Variants in SRPK2 observed in about 807,000 individuals in gnomAD.
The protein encoded by SRPK2 is SFRS protein kinase 2.
In SRPK2, 21 loss-of-function variants were observed where a neutral mutation model predicts 90.8. The observed-to-expected ratio is 0.23, with a 90% confidence interval of 0.16 to 0.33. The LOEUF is 0.33. Ranked by LOEUF, SRPK2 falls within the 10% of genes least tolerant of loss-of-function variation. The probability of loss-of-function intolerance (pLI) is 1.00; values close to 1 mark genes in which losing one functional copy is unlikely to be tolerated. For missense variants in SRPK2, 620 were observed against 869.0 expected (o/e 0.71, Z 3.60); for synonymous variants, 288 against 311.1 (o/e 0.93, Z 0.78).
intron 2 of SRPK2, among the ~76,000 whole-genome samples, chr7:105,335,086 G>C (rs145063218): frequency 2.0e-5 from 3 of 151,574 alleles, no homozygotes; most frequent in Non-Finnish European, 4.4e-5. Flanking sequence ...AAGGAGAATC[G>C]CTTGAACCCA....
At chr7:105,236,921 G>A (rs999699905) in intron 2 of SRPK2, among the ~76,000 whole-genome samples, 12 of 152,342 alleles carry the variant, frequency 7.9e-5, no homozygotes, top group African/African-American at 2.9e-4. Flanking sequence ...ACTGTTTCAT[G>A]CAGTGCTGAG....
intron 7 of SRPK2, among the ~76,000 whole-genome samples, chr7:105,150,364 C>CA (rs1785219627): frequency 6.6e-6 from 1 of 152,036 alleles, no homozygotes; most frequent in South Asian, 2.1e-4. Context: ...ACTAAAAACA[C>CA]AAAAAAACTG....
At chr7:105,196,895 C>T (rs781160845) in intron 3 of SRPK2, among the ~76,000 whole-genome samples, 1 of 151,914 alleles carries the variant, frequency 6.6e-6, no homozygotes, top group Non-Finnish European at 1.5e-5. Context: ...ACTAAAAATA[C>T]AAAAATCAGC....
intron 2 of SRPK2, among the ~76,000 whole-genome samples, chr7:105,205,702 G>C (rs1055889755): frequency 6.6e-6 from 1 of 152,116 alleles, no homozygotes; most frequent in African/African-American, 2.4e-5. Context: ...CCAGGCAAAA[G>C]AGAGTTCTGA....
intron 2 of SRPK2, among the ~76,000 whole-genome samples, chr7:105,365,231 T>A (rs1818887505): frequency 6.6e-6 from 1 of 151,988 alleles, no homozygotes; most frequent in Non-Finnish European, 1.5e-5. Context: ...ACGCCTGTAA[T>A]CCCAACAGTT....
At chr7:105,271,454 G>A (rs987278469) in intron 2 of SRPK2, among the ~76,000 whole-genome samples, 5 of 152,162 alleles carry the variant, frequency 3.3e-5, no homozygotes, top group South Asian at 2.1e-4. Flanking sequence ...ATCAAGGAAC[G>A]TTAACACTAT....
chr7:105,295,590 G>A (rs1201735839), intron 2 of SRPK2, among the ~76,000 whole-genome samples: 1 of 152,152 alleles, frequency 6.6e-6, no homozygotes, highest in Admixed American at 6.6e-5. Context: ...TTGACAAAAG[G>A]TAGAACAGTA....
At chr7:105,259,389 C>A (rs986978616) in intron 2 of SRPK2, among the ~76,000 whole-genome samples, 4 of 152,040 alleles carry the variant, frequency 2.6e-5, no homozygotes, top group South Asian at 4.2e-4. Flanking sequence ...AAGAGGACAC[C>A]AACAAATGGA....
intron 2 of SRPK2, among the ~76,000 whole-genome samples, chr7:105,289,943 T>C (rs1168141473): frequency 6.6e-6 from 1 of 151,870 alleles, no homozygotes; most frequent in African/African-American, 2.4e-5. Context: ...TTCAATACTG[T>C]TGTGTCGCAG....
Position 105,358,461 on chromosome 7 carries a change from G to A in SRPK2, c.71+30187C>T, listed in dbSNP as rs116491476. 2.9e-3 allele frequency among the ~76,000 whole-genome samples: 444 copies of A among 152,196 alleles called. 2 individuals carry two copies. The highest frequency in any genetic ancestry group is 0.01 in the African/African-American group (416 of 41,526). ...AGCACTTTGGAAGGCTGAAGCAAGT[G>A]GATCACTTGAGCTCAGGAGTTCAAA... On this transcript the variant is annotated intron_variant, in intron 2 of 15. Transcript: ENST00000393651.
At chr7:105,258,819 T>C (rs1417812320) in intron 2 of SRPK2, among the ~76,000 whole-genome samples, 3 of 152,138 alleles carry the variant, frequency 2.0e-5, no homozygotes, top group Admixed American at 2.0e-4. Flanking sequence ...AGAAAAGGCC[T>C]TCAACAAAAT....
rs112698332 is a variant in SRPK2, at chr7:105,212,877, T to C, written c.72-9092A>G. Among the ~76,000 whole-genome samples, 421 of 152,266 alleles carry C rather than the reference T, an allele frequency of 2.8e-3. 1 individual carries two copies. Among genetic ancestry groups the C allele is most frequent in the African/African-American group, 9.6e-3 (397 of 41,560 alleles). ...TCCTAAACATGGGGTGATGGCTACA[T>C]GTGTACTGAACATGTACAGACTCTT... On this transcript the variant is annotated intron_variant, in intron 2 of 15. Transcript: ENST00000393651.
At chr7:105,153,225 G>C (rs1208818774) in intron 7 of SRPK2, among the ~76,000 whole-genome samples, 6 of 152,146 alleles carry the variant, frequency 3.9e-5, no homozygotes, top group Admixed American at 1.3e-4. Context: ...GTCAGACTTT[G>C]AGTTCAGCAG....
intron 2 of SRPK2, among the ~76,000 whole-genome samples, chr7:105,347,601 C>G (rs895213386): frequency 1.3e-5 from 2 of 151,972 alleles, no homozygotes; most frequent in African/African-American, 2.4e-5. Flanking sequence ...TGCCTATACT[C>G]CCAGCACTTT....
At chr7:105,348,716 C>T (rs2132019000) in intron 2 of SRPK2, among the ~76,000 whole-genome samples, 1 of 151,764 alleles carries the variant, frequency 6.6e-6, no homozygotes, top group South Asian at 2.1e-4. Context: ...AGCCACCATG[C>T]CCAGCTGCAT....
chr7:105,135,946 G>A (rs1802742199), intron 11 of SRPK2, among the ~76,000 whole-genome samples: 1 of 152,064 alleles, frequency 6.6e-6, no homozygotes, highest in Admixed American at 6.6e-5. Flanking sequence ...TGTATTTTTA[G>A]TAGAGACGGG....
intron 2 of SRPK2, among the ~76,000 whole-genome samples, chr7:105,271,352 G>A (rs1021594057): frequency 2.0e-5 from 3 of 152,160 alleles, no homozygotes; most frequent in Non-Finnish European, 1.5e-5. Context: ...AAACCAAAGA[G>A]GATTCTAATA....
intron 10 of SRPK2, among the ~76,000 whole-genome samples, chr7:105,142,876 A>G (rs1352801896): frequency 1.3e-5 from 2 of 152,258 alleles, no homozygotes; most frequent in African/African-American, 4.8e-5. Flanking sequence ...ACATTTTTAA[A>G]AACTATTTTG....
intron 2 of SRPK2, among the ~76,000 whole-genome samples, chr7:105,305,501 T>C (rs1811051280): frequency 6.6e-6 from 1 of 152,172 alleles, no homozygotes; most frequent in East Asian, 1.9e-4. Flanking sequence ...CCAAGGAAAT[T>C]GTAGAGAAAT....
Sources: gnomAD v4.1 joint callset for allele counts (sites outside exome capture counted in the v4.1 genomes callset) on GRCh38, gnomAD v4.1.1 for gene constraint, MANE v1.5 for transcripts, NCBI Gene and HGNC (gene_info 2026-07-23, HGNC 2026-07-21) for gene names.